C12orf71: variants seen among roughly 807,000 people sequenced by gnomAD.
The protein encoded by C12orf71 is chromosome 12 open reading frame 71, also known as uncharacterized protein C12orf71.
In C12orf71, 10 loss-of-function variants were observed where a neutral mutation model predicts 11.7. The observed-to-expected ratio is 0.86, with a 90% CI of 0.53 to 1.45. The LOEUF (loss-of-function observed/expected upper bound fraction) is 1.45. C12orf71 is among the 40% of genes most tolerant of loss of function. C12orf71 has a pLI of 0.00. For missense variants in C12orf71, 293 were observed against 325.8 expected, an observed-to-expected ratio of 0.90 and a Z score of 0.78; for synonymous variants, 110 against 123.4, an observed-to-expected ratio of 0.89 and a Z score of 0.72.
rs781340575 is a variant in C12orf71, at chr12:27,081,364, G to A, written c.620C>T (p.Ala207Val). 4.3e-6 allele frequency: 7 copies of A among 1,613,852 alleles called. No homozygotes were observed. The highest frequency in any genetic ancestry group is 1.1e-5 in the South Asian group (1 of 91,084). Reference sequence around the variant, plus strand: ...CCACCCAAAGTTCAGGCAGCACTGGGCCTGTGTGTGTGAAGGAGTGTCATC... The same window carrying A: ...CCACCCAAAGTTCAGGCAGCACTGGACCTGTGTGTGTGAAGGAGTGTCATC... ...EKDDTPSHTQ[A>V]QCCLNFGWAF... The change falls in exon 2 of 2, where the codon GCC becomes GTC. Residue 207 changes from alanine (A) to valine (V), a missense_variant. Physicochemically the swap from Ala to Val is moderately conservative, Grantham distance 64 (BLOSUM62 0). Coordinates refer to ENST00000429849, the MANE Select transcript of C12orf71 (RefSeq NM_001080406.2).
Position 27,081,230 on chromosome 12 carries a change from G to A in C12orf71, c.754C>T (p.His252Tyr), listed in dbSNP as rs566039967. The change falls in exon 2 of 2, where the codon CAC (histidine) becomes TAC (tyrosine). Residue 252 changes from histidine (H) to tyrosine (Y), a missense_variant. Coordinates refer to ENST00000429849, the MANE Select transcript of C12orf71 (RefSeq NM_001080406.2). ...HRSAPTKRLFHRGKRIQPQET... is the reference protein window; with the variant it reads ...HRSAPTKRLFYRGKRIQPQET... ...TGAGGTTGAATTCTCTTGCCTCTGT[G>A]AAAGAGTCTTTTCGTTGGTGCTGAC... 33 of 1,613,924 alleles carry A rather than the reference G, an allele frequency of 2.0e-5. 1 individual carries two copies. The South Asian group carries it at 2.9e-4, about 14-fold the overall frequency.
upstream of C12orf71, among the ~76,000 whole-genome samples, chr12:27,083,226 C>T (rs1203936580): frequency 1.3e-5 from 2 of 152,220 alleles, no homozygotes; most frequent in African/African-American, 2.4e-5. Context: ...CATGAGCCAC[C>T]AGGCCTGGCC....
At position 27,082,424 on chromosome 12, in the gene C12orf71, G is replaced by A. The variant is rs1279150943; in HGVS notation, c.60C>T (p.Asn20=). 6.5e-7 allele frequency: 1 copy of A among 1,531,066 alleles called. No homozygotes were observed. The highest frequency in any genetic ancestry group is 2.3e-5 in the East Asian group (1 of 44,232). The allele number at this position is 1,531,066 out of a possible 1,614,324, so 94.8% of individuals were successfully genotyped here. A position where few individuals can be genotyped will look rare whatever the true frequency, so the allele number is the denominator to read the frequency against. ...IEDDSSKSNS[N]LSLSVGYFPC... is the part of the protein sequence containing the mutation. ...GGAAATAGCCCACAGAGAGGCTCAG[G>A]TTGGAATTGGATTTGGAGCTGTCGT... The change falls in exon 1 of 2, where the codon AAC becomes AAT. Residue 20 remains asparagine, a synonymous_variant. Coordinates refer to ENST00000429849, the MANE Select transcript of C12orf71 (RefSeq NM_001080406.2).
Position 27,081,239 on chromosome 12 carries a change from T to C in C12orf71, c.745A>G (p.Arg249Gly). ...ATTCTCTTGCCTCTGTGAAAGAGTC[T>C]TTTCGTTGGTGCTGACCGATGGGGA... The part of the protein sequence containing the change: ...KSPHRSAPTK[R>G]LFHRGKRIQP... Residue 249 changes from arginine to glycine, a missense_variant, in exon 2 of 2, where the codon AGA becomes GGA. By Grantham distance (125) the Arg-to-Gly change is moderately radical. Transcript: ENST00000429849. The C allele has an allele frequency of 6.2e-7, 1 of 1,613,992 alleles. No individual in the cohort carries two copies. The highest frequency in any genetic ancestry group is 8.5e-7 in the Non-Finnish European group (1 of 1,179,870).
At position 27,082,275 on chromosome 12, in the gene C12orf71, A is replaced by T; in HGVS notation, c.209T>A (p.Met70Lys). Reference protein sequence around the residue: ...AWGTERIGRRMKRQDQIQDEP... With the variant: ...AWGTERIGRRKKRQDQIQDEP... Reference sequence around the variant, plus strand: ...ATCCTGAATTTGGTCTTGTCTCTTCATGCGTCTCCCTATCCTTTCAGTCCC... The same window carrying T: ...ATCCTGAATTTGGTCTTGTCTCTTCTTGCGTCTCCCTATCCTTTCAGTCCC... Residue 70 changes from methionine (M) to lysine (K), a missense_variant, in exon 1 of 2, where the codon ATG becomes AAG. By Grantham distance (95) the Met-to-Lys change is moderately conservative (BLOSUM62 -1). Transcript: ENST00000429849. 2 of 1,609,968 alleles carry T rather than the reference A, an allele frequency of 1.2e-6. No individual in the cohort carries two copies. The highest frequency in any genetic ancestry group is 1.1e-5 in the South Asian group (1 of 90,414).
chr12:27,082,603 T>G, upstream of C12orf71: 2 of 713,686 alleles, frequency 2.8e-6, no homozygotes, highest in Non-Finnish European at 4.1e-6. Context: ...ATCCATTCCC[T>G]TCTCTTTTTT....
Position 27,081,286 on chromosome 12 carries a change from T to C in C12orf71, c.698A>G (p.His233Arg). ...GGGACTTTTGGTGGCATTCACAGGGTGATCCCTCCTCAGCAGAGAGGGGAG... is the reference window on the plus strand; with the variant it reads ...GGGACTTTTGGTGGCATTCACAGGGCGATCCCTCCTCAGCAGAGAGGGGAG... ...RILPSLLRRDHPVNATKSPHR... is the reference protein window; with the variant it reads ...RILPSLLRRDRPVNATKSPHR... The change falls in exon 2 of 2, where the codon CAC (histidine) becomes CGC (arginine). Residue 233 changes from histidine (H) to arginine (R), a missense_variant. By Grantham distance (29) the His-to-Arg change is conservative. Transcript: ENST00000429849. 1 of 1,613,942 alleles carries C rather than the reference T, an allele frequency of 6.2e-7. No homozygotes were observed. Among genetic ancestry groups the C allele is most frequent in the South Asian group, 1.1e-5 (1 of 91,072 alleles).
chr12:27,081,287 G>T lies in C12orf71; in HGVS notation c.697C>A (p.His233Asn). The T allele has an allele frequency of 1.2e-6, 2 of 1,613,968 alleles. No homozygotes were observed. The highest frequency in any genetic ancestry group is 8.5e-7 in the Non-Finnish European group (1 of 1,179,878). ...GGACTTTTGGTGGCATTCACAGGGT[G>T]ATCCCTCCTCAGCAGAGAGGGGAGG... is the stretch of plus-strand genomic sequence containing the variant. ...RILPSLLRRD[H>N]PVNATKSPHR... is the part of the protein sequence containing the mutation. Residue 233 changes from histidine (H) to asparagine (N), a missense_variant, in exon 2 of 2, where the codon CAC becomes AAC. Coordinates refer to ENST00000429849, the MANE Select transcript of C12orf71 (RefSeq NM_001080406.2).
At chr12:27,082,730 A>G (rs1341902610), upstream of C12orf71, among the ~76,000 whole-genome samples, 5 of 151,022 alleles carry the variant, frequency 3.3e-5, no homozygotes, top group Non-Finnish European at 7.4e-5. Context: ...AGCACACGCC[A>G]CCACACCTGG....
chr12:27,081,063 G>T lies in C12orf71; in HGVS notation c.*111C>A, dbSNP rs1008192350. The T allele has an allele frequency of 1.3e-5, 10 of 796,106 alleles. No individual in the cohort carries two copies. The highest frequency in any genetic ancestry group is 1.4e-5 in the Non-Finnish European group (7 of 504,782). The allele number at this position is 796,106 out of a possible 1,614,324, so 49.3% of individuals were successfully genotyped here. ...GTGTGCTGGGAGAGGAAGATGTGGG[G>T]TAACAAGAGCATTTATTTTGTTTAT... On this transcript the variant is annotated 3_prime_UTR_variant, in exon 2 of 2. Transcript: ENST00000429849.
upstream of C12orf71, among the ~76,000 whole-genome samples, chr12:27,083,910 C>T (rs1591805734): frequency 2.0e-5 from 3 of 152,250 alleles, no homozygotes; most frequent in Admixed American, 2.0e-4. Context: ...TCTGTGAAGC[C>T]CCAGAGTAAG....
Position 27,081,275 on chromosome 12 carries a change from C to T in C12orf71, c.709G>A (p.Ala237Thr). The T allele has an allele frequency of 6.2e-7, 1 of 1,613,974 alleles. No individual in the cohort carries two copies. Among genetic ancestry groups the T allele is most frequent in the Non-Finnish European group, 8.5e-7 (1 of 1,179,872 alleles). The change falls in exon 2 of 2, where the codon GCC becomes ACC. Residue 237 changes from alanine (A) to threonine (T), a missense_variant. Ala to Thr is a moderately conservative substitution (Grantham distance 58, BLOSUM62 0). Transcript: ENST00000429849. ...GCTGACCGATGGGGACTTTTGGTGG[C>T]ATTCACAGGGTGATCCCTCCTCAGC... ...SLLRRDHPVN[A>T]TKSPHRSAPT... is the part of the protein sequence containing the mutation.
rs779503098 is a variant in C12orf71, at chr12:27,082,141, A to G, written c.343T>C (p.Trp115Arg). ...ANRLLNGDNL[W>R]IDKLPKERTK... ...CTCTCTTTTGGTAACTTGTCTATCC[A>G]CAGGTTGTCTCCATTTAGAAGCCTA... The change falls in exon 1 of 2, where the codon TGG becomes CGG. Residue 115 changes from tryptophan to arginine, a missense_variant. Coordinates refer to ENST00000429849, the MANE Select transcript of C12orf71 (RefSeq NM_001080406.2). The G allele has an allele frequency of 6.8e-6, 11 of 1,613,588 alleles. No homozygotes were observed. The highest frequency in any genetic ancestry group is 3.3e-5 in the Admixed American group (2 of 59,946).
chr12:27,082,260 T>C lies in C12orf71; in HGVS notation c.224A>G (p.Gln75Arg). The C allele has an allele frequency of 6.2e-7, 1 of 1,612,130 alleles. No homozygotes were observed. The highest frequency in any genetic ancestry group is 1.1e-5 in the South Asian group (1 of 90,812). ...RIGRRMKRQD[Q>R]IQDEPEQFCK... ...AAACTGCTCTGGTTCATCCTGAATTTGGTCTTGTCTCTTCATGCGTCTCCC... is the reference window on the plus strand; with the variant it reads ...AAACTGCTCTGGTTCATCCTGAATTCGGTCTTGTCTCTTCATGCGTCTCCC... Residue 75 changes from glutamine (Q) to arginine (R), a missense_variant, in exon 1 of 2, where the codon CAA becomes CGA. By Grantham distance (43) the Gln-to-Arg change is conservative (BLOSUM62 1). Transcript: ENST00000429849.
chr12:27,083,881 A>T (rs1432601669), upstream of C12orf71, among the ~76,000 whole-genome samples: 2 of 152,240 alleles, frequency 1.3e-5, no homozygotes, highest in African/African-American at 4.8e-5. Context: ...GTCTGATGAC[A>T]CTGTTTAGTC....
upstream of C12orf71, among the ~76,000 whole-genome samples, chr12:27,083,229 G>T (rs148323004): frequency 4.2e-3 from 637 of 152,302 alleles, 15 homozygotes; most frequent in Admixed American, 0.038. Context: ...GAGCCACCAG[G>T]CCTGGCCAGT....
upstream of C12orf71, among the ~76,000 whole-genome samples, chr12:27,083,309 C>T (rs1409020790): frequency 6.6e-6 from 1 of 152,164 alleles, no homozygotes; most frequent in Non-Finnish European, 1.5e-5. Context: ...AAACTTATTT[C>T]ATTGTATTAT....
chr12:27,082,312 G>T lies in C12orf71; in HGVS notation c.172C>A (p.Gln58Lys). Residue 58 changes from glutamine (Q) to lysine (K), a missense_variant, in exon 1 of 2, where the codon CAA becomes AAA. Physicochemically the swap from Gln to Lys is moderately conservative, Grantham distance 53. Coordinates refer to ENST00000429849, the MANE Select transcript of C12orf71 (RefSeq NM_001080406.2). ...ATCCTTTCAGTCCCCCATGCCCCTT[G>T]GACGGGAGGCAGAAAGTGGATGGAA... Reference protein sequence around the residue: ...GPSIHFLPPVQGAWGTERIGR... With the variant: ...GPSIHFLPPVKGAWGTERIGR... The T allele has an allele frequency of 6.2e-7, 1 of 1,600,956 alleles. No homozygotes were observed. Among genetic ancestry groups the T allele is most frequent in the Non-Finnish European group, 8.5e-7 (1 of 1,174,390 alleles).
upstream of C12orf71, among the ~76,000 whole-genome samples, chr12:27,082,937 G>A (rs12303518): frequency 0.18 from 26,560 of 146,406 alleles, 2,825 homozygotes; most frequent in African/African-American, 0.33. Flanking sequence ...AATAGTTTTT[G>A]TTTGTTTTTG....
Sources: allele counts gnomAD v4.1 joint callset (sites outside exome capture counted in the v4.1 genomes callset), GRCh38; gene constraint gnomAD v4.1.1; transcripts MANE v1.5; gene names NCBI Gene and HGNC (gene_info 2026-07-23, HGNC 2026-07-21).